AKAP11: variants seen among roughly 807,000 people sequenced by gnomAD.
AKAP11 encodes A-kinase anchor protein 11.
In AKAP11, 36 loss-of-function variants were observed where a neutral mutation model predicts 146.1. The observed-to-expected ratio is 0.25, with a 90% CI of 0.19 to 0.33. The LOEUF (loss-of-function observed/expected upper bound fraction) is 0.33. AKAP11 is among the 10% of genes least tolerant of loss of function. AKAP11 has a pLI of 1.00. For missense variants in AKAP11, 2,201 were observed against 2,197.0 expected (o/e 1.00, Z -0.04); for synonymous variants, 780 against 786.5 (o/e 0.99, Z 0.14).
chr13:42,289,407 TG>T (rs1959189151), intron 3 of AKAP11, among the ~76,000 whole-genome samples: 1 of 152,204 alleles, frequency 6.6e-6, no homozygotes, highest in South Asian at 2.1e-4. Flanking sequence ...TTATTTGTAA[TG>T]CTCTGGACTC....
chr13:42,272,012 T>A (rs1202356375), upstream of AKAP11: 3 of 137,538 alleles, frequency 2.2e-5, no homozygotes, highest in African/African-American at 8.4e-5. Context: ...CGAGAGAGAG[T>A]GGGAGGCGTG....
At chr13:42,313,806 C>A in intron 10 of AKAP11, 88 bp from the exon 11 acceptor site, 2 of 1,090,624 alleles carry the variant, frequency 1.8e-6, no homozygotes, top group Non-Finnish European at 2.7e-6. Context: ...TTGTAACATT[C>A]ATTCATTACC....
Position 42,303,465 on chromosome 13 carries a change from C to G in AKAP11, c.4719C>G (p.Val1573=). The change falls in exon 8 of 13, where the codon GTC becomes GTG. Residue 1573 remains valine, a synonymous_variant. Coordinates refer to ENST00000025301, the MANE Select transcript of AKAP11 (RefSeq NM_016248.4). Reference sequence around the variant, plus strand: ...AGACCACAAAATCAGCAGACAGGGTCACTTATGCAGAAAAGTTGTCACCTC... The same window carrying G: ...AGACCACAAAATCAGCAGACAGGGTGACTTATGCAGAAAAGTTGTCACCTC... The part of the protein sequence containing the change: ...VSETTKSADR[V]TYAEKLSPLT... 1 of 1,614,150 alleles carries G rather than the reference C, an allele frequency of 6.2e-7. No individual in the cohort carries two copies. Among genetic ancestry groups the G allele is most frequent in the Non-Finnish European group, 8.5e-7 (1 of 1,180,016 alleles).
At chr13:42,294,464 G>A (rs187994781) in intron 4 of AKAP11, among the ~76,000 whole-genome samples, 512 of 151,966 alleles carry the variant, frequency 3.4e-3, no homozygotes, top group Admixed American at 5.4e-3. Context: ...GTGCAGTGGC[G>A]TGATTTCAGC....
In AKAP11 at chr13:42,301,436, C is replaced by A. The variant is rs768955429; in HGVS notation, c.2690C>A (p.Thr897Lys). ...TLESMTSLEV[T>K]KMVDERTDYL... ...GAGTCAATGACATCATTGGAAGTTA[C>A]AAAAATGGTTGATGAACGTACAGAT... is the stretch of plus-strand genomic sequence containing the variant. Residue 897 changes from threonine (T) to lysine (K), a missense_variant, in exon 8 of 13, where the codon ACA (threonine) becomes AAA (lysine). Thr to Lys is a moderately conservative substitution (Grantham distance 78, BLOSUM62 -1). Coordinates refer to ENST00000025301, the MANE Select transcript of AKAP11 (RefSeq NM_016248.4). 9 of 1,612,778 alleles carry A rather than the reference C, an allele frequency of 5.6e-6. No individual in the cohort carries two copies. The highest frequency in any genetic ancestry group is 6.8e-6 in the Non-Finnish European group (8 of 1,179,682).
chr13:42,321,420 A>G lies in AKAP11; in HGVS notation c.*2192A>G, dbSNP rs530094034. 2.0e-5 allele frequency: 3 copies of G among 152,468 alleles called. No homozygotes were observed. The highest frequency in any genetic ancestry group is 6.5e-5 in the Admixed American group (1 of 15,296). The allele number at this position is 152,468 out of a possible 1,614,324, so 9.4% of individuals were successfully genotyped here. A position where few individuals can be genotyped will look rare whatever the true frequency, so the allele number is the denominator to read the frequency against. On this transcript the variant is annotated 3_prime_UTR_variant, in exon 13 of 13. Transcript: ENST00000025301. ...CATAATGACAGACCAGTTATTAGGT[A>G]TTAGCATGTGTGGTAATAATAATAG...
At chr13:42,308,739 A>T in intron 9 of AKAP11, 130 bp downstream of exon 9, 1 of 730,692 alleles carries the variant, frequency 1.4e-6, no homozygotes, top group South Asian at 3.4e-5. Flanking sequence ...GTATTTTATT[A>T]TTCACAATGT....
Position 42,319,099 on chromosome 13 carries a change from A to AGT in AKAP11, c.5577_5578insGT (p.Leu1860ValfsTer22). 1 of 1,613,744 alleles carries AGT rather than the reference A, an allele frequency of 6.2e-7. No homozygotes were observed. The highest frequency in any genetic ancestry group is 8.5e-7 in the Non-Finnish European group (1 of 1,179,836). On this transcript the variant is annotated frameshift_variant, in exon 13 of 13. Coordinates refer to ENST00000025301, the MANE Select transcript of AKAP11 (RefSeq NM_016248.4). LOFTEE classifies it high-confidence loss of function. ...TCTTTCTTTCTTAGCTTTCAAAACAATTACAAGAGAAAGGATGGAAAGTGG... is the reference window on the plus strand; with the variant it reads ...TCTTTCTTTCTTAGCTTTCAAAACAAGTTTACAAGAGAAAGGATGGAAAGTGG...
chr13:42,291,969 G>T (rs776276554), intron 3 of AKAP11, among the ~76,000 whole-genome samples: 2 of 152,144 alleles, frequency 1.3e-5, no homozygotes, highest in Non-Finnish European at 2.9e-5. Context: ...AATCACTGTT[G>T]TTAAGGGAGT....
chr13:42,275,076 G>T (rs1958882026), intron 1 of AKAP11, among the ~76,000 whole-genome samples: 1 of 152,232 alleles, frequency 6.6e-6, no homozygotes, highest in South Asian at 2.1e-4. Context: ...TTGTCATACA[G>T]TGCTGCTGAA....
chr13:42,297,218 G>A (rs771603402), intron 6 of AKAP11, 36 bp downstream of exon 6: 3 of 1,368,258 alleles, frequency 2.2e-6, no homozygotes, highest in Non-Finnish European at 2.9e-6. Context: ...GAGATTTTTA[G>A]GGCAAATTTT....
intron 4 of AKAP11, among the ~76,000 whole-genome samples, chr13:42,294,768 C>A (rs1482811296): frequency 6.6e-6 from 1 of 151,914 alleles, no homozygotes; most frequent in African/African-American, 2.4e-5. Context: ...TATCATTGAT[C>A]TTATGACTTA....
At chr13:42,314,446 TAAAAAAAAAA>T (rs59968668) in intron 11 of AKAP11, among the ~76,000 whole-genome samples, 2 of 124,774 alleles carry the variant, frequency 1.6e-5, no homozygotes, top group Non-Finnish European at 3.3e-5. Flanking sequence ...GACTCTGACT[TAAAAAAAAAA>T]AAAAAAAAAA....
chr13:42,318,288 G>A lies in AKAP11; in HGVS notation c.5565+600G>A, dbSNP rs1009079736. Among the ~76,000 whole-genome samples the A allele has an allele frequency of 3.9e-5, 6 of 152,110 alleles. No individual in the cohort carries two copies. The East Asian group carries it at 5.8e-4, about 15-fold the overall frequency. On this transcript the variant is annotated intron_variant, in intron 12 of 12. Transcript: ENST00000025301. ...TCCTTTTGGGGTGGTAGAAATATTC[G>A]AATTGTGGTGTTGGTTGCATTCAAC...
At chr13:42,287,561 G>A (rs1396146123) in intron 3 of AKAP11, among the ~76,000 whole-genome samples, 3 of 152,120 alleles carry the variant, frequency 2.0e-5, no homozygotes, top group Non-Finnish European at 4.4e-5. Flanking sequence ...TGGGATTACA[G>A]GTGTGAGCCA....
intron 8 of AKAP11, among the ~76,000 whole-genome samples, chr13:42,304,516 T>G (rs1960148465): frequency 6.6e-6 from 1 of 152,214 alleles, no homozygotes; most frequent in Non-Finnish European, 1.5e-5. Flanking sequence ...CTATAGTAAA[T>G]GTAGAATATT....
At chr13:42,276,658 C>T (rs960503373) in intron 1 of AKAP11, among the ~76,000 whole-genome samples, 2 of 152,220 alleles carry the variant, frequency 1.3e-5, no homozygotes, top group African/African-American at 4.8e-5. Flanking sequence ...CTTTCAGCAT[C>T]CCAGGCTTAA....
intron 2 of AKAP11, 87 bp from the exon 3 acceptor site, chr13:42,286,213 C>A (rs1959165018): frequency 4.2e-6 from 2 of 471,754 alleles, no homozygotes; most frequent in Admixed American, 4.0e-5. Context: ...CTTTTAATGA[C>A]TGAGTTAAAA....
intron 1 of AKAP11, among the ~76,000 whole-genome samples, chr13:42,273,832 A>G (rs570772703): frequency 3.3e-5 from 5 of 152,322 alleles, no homozygotes; most frequent in Admixed American, 1.3e-4. Flanking sequence ...ACTGTCTGGA[A>G]AAGGAACTCA....
Sources: gnomAD v4.1 joint callset for allele counts (sites outside exome capture counted in the v4.1 genomes callset) on GRCh38, gnomAD v4.1.1 for gene constraint, MANE v1.5 for transcripts, NCBI Gene and HGNC (gene_info 2026-07-23, HGNC 2026-07-21) for gene names.